The following AGBL4 variants were observed in gnomAD, a reference collection of about 807,000 sequenced individuals.
The protein encoded by AGBL4 is cytosolic carboxypeptidase 6.
A neutral mutation model predicts 66.4 loss-of-function variants in AGBL4; 58 were observed. The ratio of observed to expected loss-of-function variants is 0.87; its 90% CI spans 0.71 to 1.09. The LOEUF (loss-of-function observed/expected upper bound fraction) is 1.09, where lower values mean the gene tolerates loss of function less well. Ranked by LOEUF, AGBL4 falls within the 50% of genes least tolerant of loss-of-function variation. AGBL4 has a pLI of 0.00. For missense variants in AGBL4, 579 were observed against 631.0 expected, an observed-to-expected ratio of 0.92 and a Z score of 0.88; for synonymous variants, 234 against 222.9, an observed-to-expected ratio of 1.05 and a Z score of -0.44.
intron 5 of AGBL4, among the ~76,000 whole-genome samples, chr1:48,987,681 C>T (rs1197680564): frequency 6.6e-6 from 1 of 152,052 alleles, no homozygotes; most frequent in Non-Finnish European, 1.5e-5. Flanking sequence ...ATAGAACATT[C>T]CACTCAACAA....
intron 3 of AGBL4, among the ~76,000 whole-genome samples, chr1:49,258,913 C>T (rs371050106): frequency 2.0e-5 from 3 of 152,106 alleles, no homozygotes; most frequent in Non-Finnish European, 4.4e-5. Context: ...AGAGAAAGGT[C>T]GGGTTACCCA....
intron 4 of AGBL4, among the ~76,000 whole-genome samples, chr1:49,125,164 A>G (rs1480020496): frequency 6.6e-6 from 1 of 152,216 alleles, no homozygotes; most frequent in Non-Finnish European, 1.5e-5. Context: ...ATTTCAGAAA[A>G]AAAGCATATT....
At chr1:49,540,102 A>C (rs2148823148) in intron 3 of AGBL4, among the ~76,000 whole-genome samples, 1 of 152,346 alleles carries the variant, frequency 6.6e-6, no homozygotes, top group East Asian at 1.9e-4. Context: ...ATTAGACTAA[A>C]TATTACAAGA....
At chr1:49,139,094 A>G (rs2148088850) in intron 4 of AGBL4, among the ~76,000 whole-genome samples, 1 of 152,198 alleles carries the variant, frequency 6.6e-6, no homozygotes, top group Non-Finnish European at 1.5e-5. Context: ...TATCCCAAGA[A>G]CAGCAAGGGG....
chr1:48,724,654 TCAGCA>T (rs532248159), intron 6 of AGBL4, among the ~76,000 whole-genome samples: 43 of 152,344 alleles, frequency 2.8e-4, no homozygotes, highest in African/African-American at 1.0e-3. Context: ...CAGAGTGCTT[TCAGCA>T]GTGCAGTTTG....
intron 6 of AGBL4, among the ~76,000 whole-genome samples, chr1:48,864,008 T>C (rs1269404191): frequency 6.6e-6 from 1 of 151,984 alleles, no homozygotes; most frequent in African/African-American, 2.4e-5. Context: ...AATTTAAAAA[T>C]ACAAGCCATA....
At chr1:49,075,248 C>G (rs757035948) in intron 4 of AGBL4, among the ~76,000 whole-genome samples, 8 of 151,756 alleles carry the variant, frequency 5.3e-5, no homozygotes, top group Admixed American at 2.0e-4. Flanking sequence ...AAATGAAGAC[C>G]AGAAATTACA....
chr1:49,190,592 T>G (rs1051991374), intron 4 of AGBL4, among the ~76,000 whole-genome samples: 2 of 152,186 alleles, frequency 1.3e-5, no homozygotes, highest in Admixed American at 1.3e-4. Flanking sequence ...CCCTTCACCA[T>G]GGTGGGTAAT....
At chr1:48,693,126 TG>T (rs1272905995) in intron 6 of AGBL4, among the ~76,000 whole-genome samples, 2 of 146,082 alleles carry the variant, frequency 1.4e-5, no homozygotes, top group African/African-American at 4.9e-5. Flanking sequence ...TCAAAGCTCT[TG>T]GTTGCTTTCT....
intron 6 of AGBL4, among the ~76,000 whole-genome samples, chr1:48,789,294 ATTT>A (rs58314536): frequency 0.043 from 5,719 of 132,014 alleles, 151 homozygotes; most frequent in East Asian, 0.19. Context: ...ATATATATAT[ATTT>A]TTTTTTTTTG....
chr1:48,815,544 TA>T (rs552215368), intron 6 of AGBL4, among the ~76,000 whole-genome samples: 7 of 150,984 alleles, frequency 4.6e-5, no homozygotes, highest in East Asian at 1.9e-4. Context: ...TTTCCTTATC[TA>T]AAAAAAAATA....
intron 1 of AGBL4, among the ~76,000 whole-genome samples, chr1:49,890,676 A>G (rs1233038440): frequency 1.3e-5 from 2 of 152,208 alleles, no homozygotes; most frequent in East Asian, 1.9e-4. Context: ...TCTAGGCAAT[A>G]TAACTGTAGG....
chr1:49,281,161 A>C (rs1409425792), intron 3 of AGBL4, among the ~76,000 whole-genome samples: 1 of 152,198 alleles, frequency 6.6e-6, no homozygotes, highest in Non-Finnish European at 1.5e-5. Context: ...AGATCAAGCA[A>C]CTTCTTGTTT....
intron 3 of AGBL4, among the ~76,000 whole-genome samples, chr1:49,514,910 G>A (rs1259458049): frequency 6.6e-6 from 1 of 151,964 alleles, no homozygotes; most frequent in Non-Finnish European, 1.5e-5. Flanking sequence ...AGACTTAAAT[G>A]TTAGACCTGA....
intron 2 of AGBL4, among the ~76,000 whole-genome samples, chr1:49,772,996 C>T (rs568944565): frequency 2.6e-5 from 4 of 152,222 alleles, no homozygotes; most frequent in South Asian, 2.1e-4. Context: ...CACTTAATAG[C>T]GTCTCATAAG....
chr1:49,351,165 G>A (rs1157968090), intron 3 of AGBL4, among the ~76,000 whole-genome samples: 1 of 152,170 alleles, frequency 6.6e-6, no homozygotes, highest in Admixed American at 6.5e-5. Flanking sequence ...GGTGCTGCAA[G>A]TTCATCCTGC....
intron 4 of AGBL4, among the ~76,000 whole-genome samples, chr1:49,175,972 CTTTGATCAGAAGT>C (rs1646823110): frequency 6.6e-6 from 1 of 152,134 alleles, no homozygotes; most frequent in Non-Finnish European, 1.5e-5. Context: ...TCATTAACTC[CTTTGATCAGAAGT>C]TTTTCCTGCC....
At chr1:49,345,230 T>G (rs1051613277) in intron 3 of AGBL4, among the ~76,000 whole-genome samples, 1 of 152,202 alleles carries the variant, frequency 6.6e-6, no homozygotes, top group Non-Finnish European at 1.5e-5. Flanking sequence ...ACTCCTGTAA[T>G]TCTAATATGG....
intron 6 of AGBL4, chr1:48,817,684 T>C (rs2148765994): frequency 4.3e-6 from 1 of 230,488 alleles, no homozygotes; most frequent in Admixed American, 5.2e-5. Flanking sequence ...CAGCTGACCA[T>C]ACAGGCTGGC....
Sources: gnomAD v4.1 joint callset for allele counts (sites outside exome capture counted in the v4.1 genomes callset) on GRCh38, gnomAD v4.1.1 for gene constraint, MANE v1.5 for transcripts, NCBI Gene and HGNC (gene_info 2026-07-23, HGNC 2026-07-21) for gene names.